The following MUC13 variants were observed in gnomAD, a reference collection of about 807,000 sequenced individuals.
The protein encoded by MUC13 is mucin 13, cell surface associated.
In MUC13, 32 loss-of-function variants were observed where a neutral mutation model predicts 48.3. That is an observed-to-expected ratio of 0.66 (90% CI 0.50 to 0.89). The LOEUF is 0.89. MUC13 is among the 40% of genes least tolerant of loss of function. The pLI, the probability that MUC13 is intolerant of heterozygous loss-of-function variation, is 0.00. For synonymous variants in MUC13, 199 were observed against 224.9 expected, an observed-to-expected ratio of 0.88 and a Z score of 1.03; for missense variants, 571 against 622.8, an observed-to-expected ratio of 0.92 and a Z score of 0.88.
intron 4 of MUC13, 115 bp downstream of exon 4, chr3:124,922,082 T>G (rs1189641905): frequency 4.7e-6 from 6 of 1,265,880 alleles, no homozygotes; most frequent in Non-Finnish European, 6.4e-6. Flanking sequence ...TTTCACTGTT[T>G]GAACAACTGG....
chr3:124,909,911 T>A (rs1301022249), intron 10 of MUC13, among the ~76,000 whole-genome samples: 1 of 152,100 alleles, frequency 6.6e-6, no homozygotes, highest in East Asian at 1.9e-4. Context: ...TCCAAAATTT[T>A]AAAAACACAA....
chr3:124,934,624 A>T, intron 1 of MUC13, 37 bp downstream of exon 1: 1 of 1,457,048 alleles, frequency 6.9e-7, no homozygotes, highest in African/African-American at 1.4e-5. Context: ...GACAACATAC[A>T]TGATTGGAAG....
chr3:124,919,566 C>G (rs911098707), intron 5 of MUC13, among the ~76,000 whole-genome samples: 2 of 152,004 alleles, frequency 1.3e-5, no homozygotes, highest in Non-Finnish European at 2.9e-5. Flanking sequence ...CATTGCTACA[C>G]GAGGGCTGCT....
Position 124,917,929 on chromosome 3 carries a change from A to G in MUC13, c.801-1449T>C, listed in dbSNP as rs192677827. Among the ~76,000 whole-genome samples, 404 of 152,300 alleles carry G rather than the reference A, an allele frequency of 2.7e-3. 1 individual carries two copies. Among genetic ancestry groups the G allele is most frequent in the African/African-American group, 8.4e-3 (350 of 41,578 alleles). On this transcript the variant is annotated intron_variant, in intron 5 of 11. Transcript: ENST00000616727. ...ATTAAAAGAATCTACCAGTTTATAC[A>G]CTAATTCAGGAGAGGCAAGACGTTA...
At chr3:124,907,212 G>A (rs1411694965) in intron 11 of MUC13, among the ~76,000 whole-genome samples, 4 of 151,996 alleles carry the variant, frequency 2.6e-5, no homozygotes, top group Non-Finnish European at 5.9e-5. Flanking sequence ...CTCATTATTT[G>A]CCCAGGCTGG....
At chr3:124,934,250 G>A (rs36044309) in intron 1 of MUC13, among the ~76,000 whole-genome samples, 59,854 of 151,974 alleles carry the variant, frequency 0.39, 13,986 homozygotes, top group Non-Finnish European at 0.53. Flanking sequence ...TCCACTTCCC[G>A]AGTTCAAGCG....
chr3:124,915,355 G>A (rs563343985), intron 6 of MUC13, among the ~76,000 whole-genome samples: 2 of 152,336 alleles, frequency 1.3e-5, no homozygotes, highest in South Asian at 4.1e-4. Flanking sequence ...TAACTGTGAT[G>A]TAAGCAGAGA....
chr3:124,907,273 C>T (rs933019661), intron 11 of MUC13, among the ~76,000 whole-genome samples: 3 of 152,122 alleles, frequency 2.0e-5, no homozygotes, highest in African/African-American at 7.2e-5. Flanking sequence ...TCCCAAAGTG[C>T]TAGGAGTATG....
At chr3:124,909,572 T>G (rs1374680877) in intron 10 of MUC13, among the ~76,000 whole-genome samples, 1 of 151,638 alleles carries the variant, frequency 6.6e-6, no homozygotes, top group African/African-American at 2.4e-5. Flanking sequence ...GGGGTAATCT[T>G]GGCTCACTGC....
chr3:124,922,479 A>C (rs79682385), intron 3 of MUC13, among the ~76,000 whole-genome samples, 176 bp from the exon 4 acceptor site: 3,786 of 151,992 alleles, frequency 0.025, 144 homozygotes, highest in African/African-American at 0.087. Flanking sequence ...CAACCATTTT[A>C]ATTTTGGTAT....
Position 124,923,620 on chromosome 3 carries a change from A to C in MUC13, c.544T>G (p.Cys182Gly). Residue 182 changes from cysteine (C) to glycine (G), a missense_variant, in exon 3 of 12, where the codon TGT (cysteine) becomes GGT (glycine). Coordinates refer to ENST00000616727, the MANE Select transcript of MUC13 (RefSeq NM_033049.4). ...TTAACACATAACGAATTATCTGCACAGGGATCATCTTGGCAAGGATTGCTG... is the reference window on the plus strand; with the variant it reads ...TTAACACATAACGAATTATCTGCACCGGGATCATCTTGGCAAGGATTGCTG... ...GPSNPCQDDP[C>G]ADNSLCVKLH... The C allele has an allele frequency of 6.2e-7, 1 of 1,614,048 alleles. No individual in the cohort carries two copies. The highest frequency in any genetic ancestry group is 8.5e-7 in the Non-Finnish European group (1 of 1,179,956).
At chr3:124,919,973 A>C (rs1011605614) in intron 5 of MUC13, among the ~76,000 whole-genome samples, 5 of 152,198 alleles carry the variant, frequency 3.3e-5, no homozygotes, top group Non-Finnish European at 7.3e-5. Context: ...GATGTCCTGG[A>C]CCATGTGCAC....
At chr3:124,911,263 C>T (rs927900376) in intron 9 of MUC13, among the ~76,000 whole-genome samples, 10 of 152,188 alleles carry the variant, frequency 6.6e-5, no homozygotes, top group African/African-American at 2.4e-4. Context: ...CACAACACTG[C>T]TCTAGACCTC....
chr3:124,926,745 G>A (rs1254929806), intron 2 of MUC13, among the ~76,000 whole-genome samples: 1 of 152,204 alleles, frequency 6.6e-6, no homozygotes, highest in African/African-American at 2.4e-5. Flanking sequence ...TGGTTCACGA[G>A]TCATATCTGA....
chr3:124,920,373 A>C, intron 4 of MUC13, 84 bp from the exon 5 acceptor site: 1 of 1,069,584 alleles, frequency 9.3e-7, no homozygotes, highest in Non-Finnish European at 1.4e-6. Context: ...AGAAAAAAAT[A>C]ATGCTCTATC....
At chr3:124,924,261 T>A (rs774629125) in intron 2 of MUC13, among the ~76,000 whole-genome samples, 1 of 152,174 alleles carries the variant, frequency 6.6e-6, no homozygotes, top group Non-Finnish European at 1.5e-5. Context: ...ATCATCTGAA[T>A]AAATGGTGAA....
chr3:124,909,789 T>C (rs919624338), intron 10 of MUC13, among the ~76,000 whole-genome samples: 92 of 152,340 alleles, frequency 6.0e-4, no homozygotes, highest in African/African-American at 2.2e-3. Context: ...ATGAAAATTG[T>C]ATTTGACAAC....
intron 1 of MUC13, among the ~76,000 whole-genome samples, chr3:124,933,958 T>C (rs975749451): frequency 6.6e-6 from 1 of 152,178 alleles, no homozygotes; most frequent in South Asian, 2.1e-4. Flanking sequence ...TGACAATTAC[T>C]CCCTATGGTT....
chr3:124,916,429 A>G lies in MUC13; in HGVS notation c.852T>C (p.Asn284=), dbSNP rs1935512729. ...SEMRADDKFV[N]VTIVTILAET... ...CTGCCAAAATTGTTACTATTGTTAC[A>G]TTAACAAACTTGTCATCAGCACGCA... The change falls in exon 6 of 12, where the codon AAT becomes AAC. Residue 284 remains asparagine, a synonymous_variant. Coordinates refer to ENST00000616727, the MANE Select transcript of MUC13 (RefSeq NM_033049.4). 1 of 1,613,820 alleles carries G rather than the reference A, an allele frequency of 6.2e-7. No homozygotes were observed. Among genetic ancestry groups the G allele is most frequent in the Non-Finnish European group, 8.5e-7 (1 of 1,179,900 alleles).
Sources: allele counts gnomAD v4.1 joint callset (sites outside exome capture counted in the v4.1 genomes callset), GRCh38; gene constraint gnomAD v4.1.1; transcripts MANE v1.5; gene names NCBI Gene and HGNC (gene_info 2026-07-23, HGNC 2026-07-21).